PTPRE: variants seen among roughly 807,000 people sequenced by gnomAD.
PTPRE encodes the protein protein tyrosine phosphatase receptor type E.
Under a neutral mutation model 102.0 loss-of-function variants are expected in PTPRE, and 51 were observed. The ratio of observed to expected loss-of-function variants is 0.50; its 90% CI spans 0.40 to 0.63. The LOEUF (loss-of-function observed/expected upper bound fraction) is 0.63. PTPRE is among the 30% of genes least tolerant of loss of function. The pLI, the probability that PTPRE is intolerant of heterozygous loss-of-function variation, is 0.00. For missense variants in PTPRE, 752 were observed against 915.1 expected (o/e 0.82, Z 2.30); for synonymous variants, 345 against 348.2 (o/e 0.99, Z 0.10).
At chr10:127,915,800 A>G (rs191349320) in intron 1 of PTPRE, among the ~76,000 whole-genome samples, 61 of 151,418 alleles carry the variant, frequency 4.0e-4, no homozygotes, top group Non-Finnish European at 7.1e-4. Flanking sequence ...TTGACTACCT[A>G]CAGTATATAG....
At chr10:127,996,695 G>A (rs1304363655) in intron 2 of PTPRE, among the ~76,000 whole-genome samples, 1 of 152,188 alleles carries the variant, frequency 6.6e-6, no homozygotes, top group Non-Finnish European at 1.5e-5. Flanking sequence ...GAAGGAGGAG[G>A]CTGAGAGGTG....
Position 127,944,685 on chromosome 10 carries a change from A to T in PTPRE, c.-31+37376A>T, listed in dbSNP as rs1192846401. 6.6e-6 allele frequency among the ~76,000 whole-genome samples: 1 copy of T among 152,218 alleles called. No individual in the cohort carries two copies. The highest frequency in any genetic ancestry group is 1.5e-5 in the Non-Finnish European group (1 of 68,038). On this transcript the variant is annotated intron_variant, in intron 1 of 20. Transcript: ENST00000254667. This position sits in a 1 kb window ranked among gnomAD's most constrained non-coding sequence, Gnocchi z 4.2. ...TTTGAGGAGATTGAGCAGGAGAGTG[A>T]CAAATGGAACTGTGTATTTGAAAGA... is the stretch of plus-strand genomic sequence containing the variant.
Position 128,079,542 on chromosome 10 carries a change from A to T in PTPRE, c.1893-18A>T. 2.5e-6 allele frequency: 4 copies of T among 1,612,582 alleles called. No homozygotes were observed. Among genetic ancestry groups the T allele is most frequent in the Non-Finnish European group, 3.4e-6 (4 of 1,179,442 alleles). The stretch of plus-strand genomic sequence containing the variant: ...AGTGCAAGTCGGATGATCTGCATTA[A>T]GCGCTTTTTCTCTGCAGTGCCGGAG... On this transcript the variant is annotated intron_variant, in intron 19 of 20. Transcript: ENST00000254667.
chr10:127,951,720 ATC>A (rs756303749), intron 1 of PTPRE, among the ~76,000 whole-genome samples: 53 of 152,214 alleles, frequency 3.5e-4, no homozygotes, highest in Non-Finnish European at 6.3e-4. Flanking sequence ...TATTAGTGCT[ATC>A]TCTACCTACA....
At chr10:128,076,530 T>C in intron 17 of PTPRE, 73 bp from the exon 18 acceptor site, 6 of 1,446,554 alleles carry the variant, frequency 4.1e-6, no homozygotes, top group Non-Finnish European at 4.6e-6. Context: ...AGAACAATTC[T>C]GTGTTATAAA....
At chr10:128,014,089 G>T (rs1845235000) in intron 2 of PTPRE, among the ~76,000 whole-genome samples, 1 of 152,118 alleles carries the variant, frequency 6.6e-6, no homozygotes, top group South Asian at 2.1e-4. Flanking sequence ...TCTAGATGAG[G>T]ATTCTGATCC....
intron 4 of PTPRE, 120 bp downstream of exon 4, chr10:128,047,609 T>C: frequency 6.2e-7 from 1 of 1,613,662 alleles, no homozygotes; most frequent in Non-Finnish European, 8.5e-7. Flanking sequence ...TGGCTGGGCC[T>C]GGGAGACACA....
intron 11 of PTPRE, 141 bp downstream of exon 11, chr10:128,066,335 C>T: frequency 7.3e-7 from 1 of 1,375,104 alleles, no homozygotes; most frequent in African/African-American, 1.4e-5. Flanking sequence ...GGTGCAGTGG[C>T]CAGGCTGTGA....
chr10:127,978,702 A>G (rs985417583), intron 1 of PTPRE, among the ~76,000 whole-genome samples: 33 of 152,122 alleles, frequency 2.2e-4, no homozygotes, highest in African/African-American at 7.7e-4. Flanking sequence ...GAGCCTCACC[A>G]AGCCTCAGTG....
intron 1 of PTPRE, among the ~76,000 whole-genome samples, chr10:127,927,995 T>C (rs1056068268): frequency 6.6e-6 from 1 of 152,258 alleles, no homozygotes; most frequent in African/African-American, 2.4e-5. Context: ...GTGTTTTGGC[T>C]AACACAATTG....
intron 1 of PTPRE, among the ~76,000 whole-genome samples, chr10:127,956,588 C>G (rs1328220738): frequency 6.6e-6 from 1 of 152,134 alleles, no homozygotes; most frequent in Non-Finnish European, 1.5e-5. Flanking sequence ...TGGGCAAATG[C>G]CAAGGAGTGC....
chr10:128,001,831 G>A (rs987596024), intron 2 of PTPRE, among the ~76,000 whole-genome samples: 2 of 152,188 alleles, frequency 1.3e-5, no homozygotes, highest in African/African-American at 4.8e-5. Context: ...AAGAAAGCAC[G>A]CTGTCATCTG....
intron 18 of PTPRE, among the ~76,000 whole-genome samples, chr10:128,077,203 C>T (rs1350602692): frequency 2.6e-5 from 4 of 152,216 alleles, no homozygotes; most frequent in African/African-American, 9.6e-5. Flanking sequence ...AATGCACCTG[C>T]CACTGTCTCC....
At chr10:127,970,613 C>T (rs573231778) in intron 1 of PTPRE, among the ~76,000 whole-genome samples, 4 of 151,810 alleles carry the variant, frequency 2.6e-5, no homozygotes, top group South Asian at 2.1e-4. Context: ...GTAGAGCCAC[C>T]GATGAAATGA....
chr10:128,058,694 A>T (rs1849230391), intron 7 of PTPRE, among the ~76,000 whole-genome samples: 1 of 152,156 alleles, frequency 6.6e-6, no homozygotes, highest in Admixed American at 6.5e-5. Flanking sequence ...AGTATCACTT[A>T]GGGTGGGACT....
chr10:128,030,376 C>T (rs1486086361), intron 2 of PTPRE, among the ~76,000 whole-genome samples: 1 of 151,850 alleles, frequency 6.6e-6, no homozygotes, highest in Non-Finnish European at 1.5e-5. Flanking sequence ...AAAAGGCCCT[C>T]CTCTGGGGGT....
intron 2 of PTPRE, among the ~76,000 whole-genome samples, chr10:128,007,498 G>A (rs1478247498): frequency 6.6e-6 from 1 of 152,176 alleles, no homozygotes; most frequent in African/African-American, 2.4e-5. Flanking sequence ...CAAAATGTGT[G>A]TCCATTTATC....
At chr10:128,019,954 C>T (rs1360295906) in intron 2 of PTPRE, among the ~76,000 whole-genome samples, 1 of 151,952 alleles carries the variant, frequency 6.6e-6, no homozygotes, top group Non-Finnish European at 1.5e-5. Flanking sequence ...AGAGAAATGC[C>T]CAGAGTCCCT....
At chr10:128,042,413 C>T (rs1482658371) in intron 3 of PTPRE, among the ~76,000 whole-genome samples, 1 of 152,174 alleles carries the variant, frequency 6.6e-6, no homozygotes, top group Non-Finnish European at 1.5e-5. Flanking sequence ...TTGCCATAGA[C>T]ATGGGGTGTT....
Sources: allele counts gnomAD v4.1 joint callset (sites outside exome capture counted in the v4.1 genomes callset), GRCh38; gene constraint gnomAD v4.1.1; non-coding constraint Gnocchi (gnomAD v3.1); transcripts MANE v1.5; gene names NCBI Gene and HGNC (gene_info 2026-07-23, HGNC 2026-07-21).